Variants in TCF3 observed in about 807,000 individuals in gnomAD.
TCF3 encodes transcription factor 3.
In TCF3, 54 loss-of-function variants were observed where a neutral mutation model predicts 72.3. That is an observed-to-expected ratio of 0.75 (90% CI 0.60 to 0.94). TCF3 has a LOEUF of 0.94. Ranked by LOEUF, TCF3 falls within the 40% of genes least tolerant of loss-of-function variation. TCF3 has a pLI of 0.00. For missense variants in TCF3, 1,078 were observed against 934.4 expected (o/e 1.15, Z -2.00); for synonymous variants, 525 against 412.6 (o/e 1.27, Z -3.30).
intron 3 of TCF3, among the ~76,000 whole-genome samples, chr19:1,641,996 G>T (rs1243954144): frequency 6.6e-6 from 1 of 151,856 alleles, no homozygotes; most frequent in Non-Finnish European, 1.5e-5. Context: ...AGTCAGTTAT[G>T]ATCACACCAC....
intron 3 of TCF3, among the ~76,000 whole-genome samples, chr19:1,645,689 G>A (rs961766608): frequency 6.6e-6 from 1 of 152,162 alleles, no homozygotes; most frequent in African/African-American, 2.4e-5. Flanking sequence ...ATGCTCCAGA[G>A]TGTGATTTTC....
At chr19:1,624,273 A>G (rs765209864) in intron 7 of TCF3, among the ~76,000 whole-genome samples, 2 of 152,062 alleles carry the variant, frequency 1.3e-5, no homozygotes, top group Non-Finnish European at 2.9e-5. Context: ...GCGGGTGCCT[A>G]TAATTCCAGC....
At chr19:1,652,167 C>CCCGTGCGCGCGGCCG (rs2067220497) in intron 1 of TCF3, 133 bp downstream of exon 1, 1 of 147,778 alleles carries the variant, frequency 6.8e-6, no homozygotes, top group Non-Finnish European at 1.5e-5. Context: ...GGCCGCGGGG[C>CCCGTGCGCGCGGCCG]GCCCCCCGAC....
intron 3 of TCF3, among the ~76,000 whole-genome samples, chr19:1,633,337 TG>T (rs1423309099): frequency 1.3e-5 from 2 of 152,108 alleles, no homozygotes; most frequent in Admixed American, 1.3e-4. Flanking sequence ...TTTGCAGGGC[TG>T]GGGGTGTCCA....
chr19:1,610,845 C>T lies in TCF3; in HGVS notation c.*862G>A, dbSNP rs1188288062. 1 of 188,552 alleles carries T rather than the reference C, an allele frequency of 5.3e-6. No individual in the cohort carries two copies. Among genetic ancestry groups the T allele is most frequent in the East Asian group, 7.9e-5 (1 of 12,588 alleles). The allele number at this position is 188,552 out of a possible 1,614,324, so 11.7% of individuals were successfully genotyped here. A position where few individuals can be genotyped will look rare whatever the true frequency, so the allele number is the denominator to read the frequency against. ...CGCCCACGCATCACTTTCCACATGA[C>T]AAAACCAAGAGAACCCCCAACATCA... On this transcript the variant is annotated 3_prime_UTR_variant, in exon 19 of 19. Transcript: ENST00000262965.
At chr19:1,626,048 G>A (rs1399031364) in intron 6 of TCF3, among the ~76,000 whole-genome samples, 3 of 152,160 alleles carry the variant, frequency 2.0e-5, no homozygotes, top group Non-Finnish European at 4.4e-5. Flanking sequence ...TTTTGGTTTT[G>A]TTTTGTAAAG....
chr19:1,642,517 A>G (rs2065483780), intron 3 of TCF3, among the ~76,000 whole-genome samples: 2 of 152,252 alleles, frequency 1.3e-5, no homozygotes, highest in South Asian at 4.1e-4. Context: ...ATCAACTTCA[A>G]GGACGAGGGC....
At position 1,619,205 on chromosome 19, in the gene TCF3, G is replaced by A. The variant is rs767129826; in HGVS notation, c.1356C>T (p.Leu452=). The A allele has an allele frequency of 1.1e-5, 17 of 1,598,984 alleles. No individual in the cohort carries two copies. Among genetic ancestry groups the A allele is most frequent in the East Asian group, 2.2e-5 (1 of 44,874 alleles). The change falls in exon 16 of 19, where the codon CTC becomes CTT. Residue 452 remains leucine, a synonymous_variant. Transcript: ENST00000262965. ...TGTGCATGAGGCTGGTGCTGCCTGC[G>A]AGGCCGTCCTCGGGGTGGCTGCCTC... ...LVGGSHPEDG[L]AGSTSLMHNH...
chr19:1,650,095 A>T, intron 2 of TCF3, 82 bp downstream of exon 2: 1 of 1,353,026 alleles, frequency 7.4e-7, no homozygotes, highest in Non-Finnish European at 1.0e-6. Context: ...TGAAGTATTC[A>T]GCAAACACTC....
Position 1,644,391 on chromosome 19 carries a change from C to T in TCF3, c.145+1964G>A, listed in dbSNP as rs182252399. On this transcript the variant is annotated intron_variant, in intron 3 of 18. Transcript: ENST00000262965. ...GCGGGCGTTAACTGCATGGACTGAA[C>T]GGGGAGGGGGTCACCCCTCTGTGTC... is the stretch of plus-strand genomic sequence containing the variant. Among the ~76,000 whole-genome samples the T allele has an allele frequency of 7.0e-3, 1,012 of 144,452 alleles. 19 individuals are homozygous for T. The highest frequency in any genetic ancestry group is 0.024 in the African/African-American group (950 of 39,936). The allele number at this position is 144,452 out of a possible 152,430, so 94.8% of individuals were successfully genotyped here. A position where few individuals can be genotyped will look rare whatever the true frequency, so the allele number is the denominator to read the frequency against.
chr19:1,611,670 C>A lies in TCF3; in HGVS notation c.*37G>T. 6.3e-7 allele frequency: 1 copy of A among 1,596,416 alleles called. No individual in the cohort carries two copies. Among genetic ancestry groups the A allele is most frequent in the Non-Finnish European group, 8.6e-7 (1 of 1,169,430 alleles). ...GCCGTTCTGGGGCCAGAGCACAGGG[C>A]TGAAAGCGGGTGGCTCGTCCCACGG... On this transcript the variant is annotated 3_prime_UTR_variant, in exon 19 of 19. Transcript: ENST00000262965.
chr19:1,621,307 T>C, intron 11 of TCF3, 116 bp from the exon 12 acceptor site: 2 of 1,261,950 alleles, frequency 1.6e-6, no homozygotes, highest in Non-Finnish European at 1.1e-6. Context: ...GAGAGCAGCC[T>C]GACTCGGGTC....
intron 13 of TCF3, 114 bp downstream of exon 13, chr19:1,620,854 G>A: frequency 4.6e-6 from 5 of 1,096,518 alleles, no homozygotes; most frequent in South Asian, 2.1e-5. Context: ...CCAGCAAGGT[G>A]CAGACACCAG....
chr19:1,609,587 T>G lies in TCF3; in HGVS notation c.*2120A>C. On this transcript the variant is annotated 3_prime_UTR_variant, in exon 19 of 19. Transcript: ENST00000262965. ...ACAGTTCCAGAGGCTATGGGGCCAC[T>G]GCCCACCCAGACCTAGGGGCAGGGC... 9.1e-6 allele frequency: 2 copies of G among 219,614 alleles called. No homozygotes were observed. 13.6% of individuals were successfully genotyped at this position (219,614 alleles called of 1,614,324 possible). A position where few individuals can be genotyped will look rare whatever the true frequency, so the allele number is the denominator to read the frequency against.
At chr19:1,613,392 C>G (rs1484558545) in intron 18 of TCF3, among the ~76,000 whole-genome samples, 2 of 152,122 alleles carry the variant, frequency 1.3e-5, no homozygotes, top group African/African-American at 4.8e-5. Flanking sequence ...CCCTGCTTCC[C>G]CGTCTGGGAG....
chr19:1,612,236 A>C (rs1352025314), intron 18 of TCF3: 1 of 1,600,260 alleles, frequency 6.2e-7, no homozygotes, highest in Non-Finnish European at 8.5e-7. Flanking sequence ...CCCCAGGATG[A>C]CCTGCACGGC....
rs78569123 is a variant in TCF3, at chr19:1,621,228, C to G, written c.956-37G>C. 3.7e-5 allele frequency: 56 copies of G among 1,526,164 alleles called. No homozygotes were observed. The Admixed American group carries it at 8.5e-4, about 23-fold the overall frequency. 94.5% of individuals were successfully genotyped at this position (1,526,164 alleles called of 1,614,324 possible). A position where few individuals can be genotyped will look rare whatever the true frequency, so the allele number is the denominator to read the frequency against. ...GAGAGGTGAGGCCCACGCAGCCCGGCCTGGGTGCTGCCGCCGACGGCAAGC... is the reference window on the plus strand; with the variant it reads ...GAGAGGTGAGGCCCACGCAGCCCGGGCTGGGTGCTGCCGCCGACGGCAAGC... On this transcript the variant is annotated intron_variant, in intron 11 of 18. Transcript: ENST00000262965.
intron 2 of TCF3, among the ~76,000 whole-genome samples, chr19:1,647,193 A>G (rs571387993): frequency 6.6e-6 from 1 of 152,014 alleles, no homozygotes; most frequent in East Asian, 2.0e-4. Context: ...CCAGAACACT[A>G]AGTCCCTAAA....
At chr19:1,634,424 C>A (rs1423440365) in intron 3 of TCF3, among the ~76,000 whole-genome samples, 1 of 152,240 alleles carries the variant, frequency 6.6e-6, no homozygotes, top group Non-Finnish European at 1.5e-5. Context: ...TCGGGAGAGG[C>A]CTGCGAGTGG....
Sources: allele counts gnomAD v4.1 joint callset (sites outside exome capture counted in the v4.1 genomes callset), GRCh38; gene constraint gnomAD v4.1.1; transcripts MANE v1.5; gene names NCBI Gene and HGNC (gene_info 2026-07-23, HGNC 2026-07-21).